Variants in ZC3H12B observed in about 807,000 individuals in gnomAD.
ZC3H12B encodes the protein zinc finger CCCH-type containing 12B.
A neutral mutation model predicts 43.9 loss-of-function variants in ZC3H12B; 7 were observed. The ratio of observed to expected loss-of-function variants is 0.16; its 90% CI spans 0.09 to 0.30. The LOEUF (loss-of-function observed/expected upper bound fraction) is 0.30. Ranked by LOEUF, ZC3H12B falls within the 10% of genes least tolerant of loss-of-function variation. The pLI, the probability that ZC3H12B is intolerant of heterozygous loss-of-function variation, is 1.00. For missense variants in ZC3H12B, 475 were observed against 670.2 expected (o/e 0.71, Z 3.22); for synonymous variants, 222 against 241.7 (o/e 0.92, Z 0.76).
the ZC3H12B span, among the ~76,000 whole-genome samples, chrX:65,115,004 G>A: frequency 1.3e-4 from 12 of 94,630 alleles, no homozygotes; most frequent in African/African-American, 4.4e-4. Context: ...ATTTTTGTGG[G>A]TACATAATAG....
chrX:65,077,322 T>A, the ZC3H12B span, among the ~76,000 whole-genome samples: 2 of 111,801 alleles, frequency 1.8e-5, no homozygotes, highest in Non-Finnish European at 3.8e-5. Flanking sequence ...GACTAAGAGA[T>A]GGTGGTGCCC....
intron 3 of ZC3H12B, among the ~76,000 whole-genome samples, chrX:65,421,934 C>T (rs1238753657): frequency 3.1e-5 from 3 of 96,299 alleles, no homozygotes; most frequent in African/African-American, 8.6e-5. Flanking sequence ...GGCGACAGAG[C>T]GAGACTCCAT....
At chrX:65,440,489 T>A (rs1376707336) in intron 3 of ZC3H12B, among the ~76,000 whole-genome samples, 1 of 112,229 alleles carries the variant, frequency 8.9e-6, no homozygotes, top group Admixed American at 9.5e-5. Flanking sequence ...GTATAGGATG[T>A]CTGGAAAACT....
At chrX:65,105,981 C>T in the ZC3H12B span, among the ~76,000 whole-genome samples, 1 of 111,752 alleles carries the variant, frequency 8.9e-6, no homozygotes, top group Non-Finnish European at 1.9e-5. Flanking sequence ...ATGTGCAGTG[C>T]TCTCTGATAT....
At chrX:65,079,968 AT>A in the ZC3H12B span, among the ~76,000 whole-genome samples, 2 of 111,371 alleles carry the variant, frequency 1.8e-5, no homozygotes, top group Non-Finnish European at 3.8e-5. Flanking sequence ...ACTTAGAGAA[AT>A]TGAAGATAAC....
chrX:65,244,727 C>CAAAAAA, the ZC3H12B span, among the ~76,000 whole-genome samples: 851 of 18,936 alleles, frequency 0.045, no homozygotes, highest in Non-Finnish European at 0.067. Flanking sequence ...AATACCTTGC[C>CAAAAAA]AAAAAAAAAA....
chrX:65,063,958 G>A, the ZC3H12B span, among the ~76,000 whole-genome samples: 2 of 112,082 alleles, frequency 1.8e-5, no homozygotes, highest in Non-Finnish European at 3.8e-5. Context: ...GGTGTTTATA[G>A]TATTCTCTGA....
the ZC3H12B span, among the ~76,000 whole-genome samples, chrX:65,182,229 A>T: frequency 9.0e-6 from 1 of 110,888 alleles, no homozygotes; most frequent in Non-Finnish European, 1.9e-5. Context: ...AGGGAGGGAA[A>T]CATCACACAC....
At chrX:65,199,023 T>A in the ZC3H12B span, among the ~76,000 whole-genome samples, 1 of 110,103 alleles carries the variant, frequency 9.1e-6, no homozygotes, top group Non-Finnish European at 1.9e-5. Context: ...AGAGATGCGG[T>A]TTGGCCATGT....
the ZC3H12B span, among the ~76,000 whole-genome samples, chrX:65,205,197 G>T: frequency 1.8e-5 from 2 of 111,310 alleles, no homozygotes; most frequent in Non-Finnish European, 3.8e-5. Context: ...TGTTCAACCG[G>T]ATTATCATTA....
At chrX:65,344,077 A>C in the ZC3H12B span, among the ~76,000 whole-genome samples, 1 of 112,198 alleles carries the variant, frequency 8.9e-6, no homozygotes. Context: ...AGTTTCATTC[A>C]CAATTGCCAC....
chrX:65,228,195 A>T, the ZC3H12B span, among the ~76,000 whole-genome samples: 1 of 111,858 alleles, frequency 8.9e-6, no homozygotes, highest in Admixed American at 9.5e-5. Context: ...ATGATCAAGT[A>T]GGCTTCATCC....
intron 2 of ZC3H12B, among the ~76,000 whole-genome samples, chrX:65,379,939 A>G: frequency 8.9e-6 from 1 of 112,297 alleles, no homozygotes; most frequent in African/African-American, 3.2e-5. Flanking sequence ...CAAAGCCTCC[A>G]AGAAATATGG....
intron 2 of ZC3H12B, among the ~76,000 whole-genome samples, chrX:65,369,864 A>G (rs2066222265): frequency 8.9e-6 from 1 of 111,972 alleles, no homozygotes; most frequent in Admixed American, 9.5e-5. Flanking sequence ...GACTGATTCT[A>G]GACTTGTGTT....
intron 2 of ZC3H12B, among the ~76,000 whole-genome samples, chrX:65,390,139 A>G (rs1473138742): frequency 1.8e-5 from 2 of 111,305 alleles, no homozygotes; most frequent in Non-Finnish European, 3.8e-5. Flanking sequence ...CATCATTTTG[A>G]GCAAACTATT....
the ZC3H12B span, among the ~76,000 whole-genome samples, chrX:65,236,815 A>G: frequency 8.9e-6 from 1 of 111,936 alleles, no homozygotes; most frequent in African/African-American, 3.3e-5. Context: ...TTGTCTTCCC[A>G]TTGCTCATTT....
At chrX:65,158,343 G>A in the ZC3H12B span, among the ~76,000 whole-genome samples, 564 of 111,302 alleles carry the variant, frequency 5.1e-3, 2 homozygotes, top group African/African-American at 0.016. Flanking sequence ...CTGAGGAATC[G>A]CCACACTGAC....
chrX:65,221,798 T>C, the ZC3H12B span, among the ~76,000 whole-genome samples: 1 of 110,690 alleles, frequency 9.0e-6, no homozygotes, highest in South Asian at 3.8e-4. Flanking sequence ...CTGTTGACAA[T>C]ATTCCACAAG....
the ZC3H12B span, among the ~76,000 whole-genome samples, chrX:65,213,209 C>G: frequency 9.1e-6 from 1 of 109,940 alleles, no homozygotes; most frequent in East Asian, 2.8e-4. Context: ...AAAAATCTAT[C>G]AGTGTGCCCA....
Sources: gnomAD v4.1 joint callset for allele counts (sites outside exome capture counted in the v4.1 genomes callset) on GRCh38, gnomAD v4.1.1 for gene constraint, MANE v1.5 for transcripts, NCBI Gene and HGNC (gene_info 2026-07-23, HGNC 2026-07-21) for gene names.